Variants in SAMM50 observed in about 807,000 individuals in gnomAD.
SAMM50 encodes SAMM50 sorting and assembly machinery component.
A neutral mutation model predicts 66.9 loss-of-function variants in SAMM50; 47 were observed. That is an observed-to-expected ratio of 0.70 (90% CI 0.56 to 0.90). The LOEUF (loss-of-function observed/expected upper bound fraction) is 0.90. SAMM50 is among the 40% of genes least tolerant of loss of function. The pLI, the probability that SAMM50 is intolerant of heterozygous loss-of-function variation, is 0.00. For missense variants in SAMM50, 535 were observed against 595.3 expected, an observed-to-expected ratio of 0.90 and a Z score of 1.05; for synonymous variants, 191 against 214.1, an observed-to-expected ratio of 0.89 and a Z score of 0.94.
At chr22:43,973,859 C>T (rs764230055) in intron 7 of SAMM50, among the ~76,000 whole-genome samples, 4 of 152,060 alleles carry the variant, frequency 2.6e-5, no homozygotes, top group Admixed American at 1.3e-4. Context: ...GTGATCTGCC[C>T]GTCTCAGCCT....
At chr22:43,958,150 A>G (rs2146803505) in intron 1 of SAMM50, among the ~76,000 whole-genome samples, 1 of 152,302 alleles carries the variant, frequency 6.6e-6, no homozygotes, top group African/African-American at 2.4e-5. Flanking sequence ...TAGCATCAAA[A>G]TATTCCCATC....
intron 10 of SAMM50, among the ~76,000 whole-genome samples, chr22:43,981,008 C>T (rs1384830298): frequency 1.3e-5 from 2 of 152,204 alleles, no homozygotes; most frequent in East Asian, 1.9e-4. Flanking sequence ...AATCCTTCCA[C>T]ATTTTGAGGC....
chr22:43,955,622 G>C, intron 1 of SAMM50, 24 bp downstream of exon 1: 2 of 1,579,626 alleles, frequency 1.3e-6, no homozygotes, highest in Non-Finnish European at 1.7e-6. Context: ...CGACCCGCGG[G>C]CTGCGAGGCC....
intron 3 of SAMM50, among the ~76,000 whole-genome samples, chr22:43,968,111 C>T (rs943364187): frequency 6.6e-6 from 1 of 150,946 alleles, no homozygotes; most frequent in African/African-American, 2.4e-5. Flanking sequence ...CCTGCAATCC[C>T]AGCTACTCAG....
intron 9 of SAMM50, 63 bp from the exon 10 acceptor site, chr22:43,977,809 G>C (rs1318676886): frequency 5.4e-6 from 6 of 1,109,890 alleles, no homozygotes; most frequent in Non-Finnish European, 8.0e-6. Context: ...GCAAAAACAT[G>C]ATTCTGTAGC....
intron 1 of SAMM50, among the ~76,000 whole-genome samples, chr22:43,960,636 T>C (rs2146805298): frequency 6.6e-6 from 1 of 152,038 alleles, no homozygotes; most frequent in Non-Finnish European, 1.5e-5. Context: ...GGCTGAGACA[T>C]GAGAATGGCT....
intron 11 of SAMM50, among the ~76,000 whole-genome samples, chr22:43,981,752 TAAAG>T (rs1373556081): frequency 1.3e-5 from 2 of 152,218 alleles, no homozygotes; most frequent in Non-Finnish European, 2.9e-5. Context: ...GAGAAACACT[TAAAG>T]AAATTAGAGA....
rs760217397 is a variant in SAMM50 at position 43,989,160 on chromosome 22, C to T, written c.1125C>T (p.Tyr375=). The change falls in exon 13 of 15, where the codon TAC becomes TAT. Residue 375 remains tyrosine, a synonymous_variant. Transcript: ENST00000350028. ...EAYWAGGLHL[Y]TPLPFRPGQG... ...ACTGGGCCGGCGGCCTGCACCTCTA[C>T]ACCCCATTACCTTTCCGGCCAGGCC... is the stretch of plus-strand genomic sequence containing the variant. 7.4e-6 allele frequency: 12 copies of T among 1,614,070 alleles called. No homozygotes were observed. In the South Asian group the frequency reaches 1.3e-4, roughly 18 times the overall value.
At chr22:43,958,137 C>G (rs962884902) in intron 1 of SAMM50, among the ~76,000 whole-genome samples, 3 of 152,208 alleles carry the variant, frequency 2.0e-5, no homozygotes, top group Non-Finnish European at 4.4e-5. Context: ...CATCATCCAT[C>G]TTTAGCATCA....
chr22:43,962,881 A>ATTTTTTTTGTTTTTTTTT (rs2050153605), intron 1 of SAMM50, among the ~76,000 whole-genome samples: 1 of 65,506 alleles, frequency 1.5e-5, no homozygotes, highest in African/African-American at 7.1e-5. Flanking sequence ...CTTTTGGTTA[A>ATTTTTTTTGTTTTTTTTT]TTTTTTTTTT....
intron 1 of SAMM50, among the ~76,000 whole-genome samples, chr22:43,959,507 T>TACACACACACACAC (rs138315774): frequency 0.068 from 9,363 of 138,408 alleles, 372 homozygotes; most frequent in South Asian, 0.084. Context: ...TTTTTTATAT[T>TACACACACACACAC]ACACACACAC....
At chr22:43,968,565 G>C (rs990755818) in intron 3 of SAMM50, among the ~76,000 whole-genome samples, 166 bp from the exon 4 acceptor site, 2 of 152,244 alleles carry the variant, frequency 1.3e-5, no homozygotes, top group African/African-American at 4.8e-5. Context: ...TGTTGCCCCT[G>C]TGGTGCTTTT....
intron 10 of SAMM50, 110 bp downstream of exon 10, chr22:43,978,068 G>T (rs1385252013): frequency 1.3e-5 from 9 of 701,244 alleles, no homozygotes; most frequent in Admixed American, 4.9e-5. Flanking sequence ...AGCCTGGGCG[G>T]TAATGCTTAA....
In SAMM50 at chr22:43,968,812, T is replaced by C; in HGVS notation, c.316T>C (p.Cys106Arg). Residue 106 changes from cysteine (C) to arginine (R), a missense_variant, in exon 4 of 15, where the codon TGT becomes CGT. Coordinates refer to ENST00000350028, the MANE Select transcript of SAMM50 (RefSeq NM_015380.5). ...ACAAGTGGATGTTTTGATTGACACA[T>C]GTCAAGGTACATATTGTGGTGTAGT... is the stretch of plus-strand genomic sequence containing the variant. ...FRQVDVLIDT[C>R]QGDDALPNGL... 3 of 1,606,898 alleles carry C rather than the reference T, an allele frequency of 1.9e-6. No homozygotes were observed. The highest frequency in any genetic ancestry group is 4.5e-5 in the East Asian group (2 of 44,840).
chr22:43,963,222 C>A, intron 1 of SAMM50, 64 bp from the exon 2 acceptor site: 1 of 1,007,136 alleles, frequency 9.9e-7, no homozygotes, highest in South Asian at 1.6e-5. Flanking sequence ...AGACAAAACT[C>A]AAAGGTAAGT....
rs573037230 is a variant in SAMM50 at position 43,969,542 on chromosome 22, A to C, written c.322+724A>C. On this transcript the variant is annotated intron_variant, in intron 4 of 14. Coordinates refer to ENST00000350028, the MANE Select transcript of SAMM50 (RefSeq NM_015380.5). ...GCAGACCAGTAAGTGATGGCAGCAC[A>C]GTCGCTATGTTGTGCTGTAAGAGGC... Among the ~76,000 whole-genome samples, 3 of 152,292 alleles carry C rather than the reference A, an allele frequency of 2.0e-5. No homozygotes were observed. In the South Asian group the frequency reaches 6.2e-4, roughly 32 times the overall value.
chr22:43,955,747 A>T (rs1281926613), intron 1 of SAMM50, 149 bp downstream of exon 1: 1 of 822,582 alleles, frequency 1.2e-6, no homozygotes, highest in Non-Finnish European at 1.9e-6. Flanking sequence ...GGCCGAAAAG[A>T]GGTCGCCTCG....
chr22:43,973,409 G>C (rs2050214591), intron 7 of SAMM50, 86 bp downstream of exon 7: 2 of 799,864 alleles, frequency 2.5e-6, no homozygotes, highest in Non-Finnish European at 4.4e-6. Context: ...CAAGAGGGCA[G>C]CGTGGAAAGC....
In SAMM50 at chr22:43,975,930, C is replaced by T. The variant is rs2050228936; in HGVS notation, c.649-125C>T. On this transcript the variant is annotated intron_variant, in intron 7 of 14. Coordinates refer to ENST00000350028, the MANE Select transcript of SAMM50 (RefSeq NM_015380.5). ...CTTCTCTTCTTCCCCTTCTCCCTCT[C>T]TCTCATCATTAAAAAAAATTAGATA... 1.3e-5 allele frequency: 12 copies of T among 958,142 alleles called. No homozygotes were observed. In the South Asian group the frequency reaches 1.8e-4, roughly 14 times the overall value. 59.4% of individuals were successfully genotyped at this position (958,142 alleles called of 1,614,324 possible).
Sources: gnomAD v4.1 joint callset for allele counts (sites outside exome capture counted in the v4.1 genomes callset) on GRCh38, gnomAD v4.1.1 for gene constraint, MANE v1.5 for transcripts, NCBI Gene and HGNC (gene_info 2026-07-23, HGNC 2026-07-21) for gene names.